DNAH5: variants seen among roughly 807,000 people sequenced by gnomAD.
The protein encoded by DNAH5 is axonemal beta dynein heavy chain 5.
A neutral mutation model predicts 518.2 loss-of-function variants in DNAH5; 372 were observed. The ratio of observed to expected loss-of-function variants is 0.72; its 90% confidence interval spans 0.66 to 0.78. The LOEUF (loss-of-function observed/expected upper bound fraction) is 0.78, where lower values mean the gene tolerates loss of function less well. Among genes scored for constraint, DNAH5 ranks in the 30% least tolerant of loss-of-function variants. The probability of loss-of-function intolerance (pLI) is 0.00; values close to 1 mark genes in which losing one functional copy is unlikely to be tolerated. For synonymous variants in DNAH5, 2,039 were observed against 2,025.9 expected, an observed-to-expected ratio of 1.01 and a Z score of -0.17; for missense variants, 5,523 against 5,687.0, an observed-to-expected ratio of 0.97 and a Z score of 0.93.
intron 70 of DNAH5, among the ~76,000 whole-genome samples, chr5:13,725,901 C>T (rs917162233): frequency 6.6e-6 from 1 of 152,210 alleles, no homozygotes; most frequent in African/African-American, 2.4e-5. Context: ...ATCCACCTGC[C>T]TCAGCCTCCC....
intron 3 of DNAH5, among the ~76,000 whole-genome samples, chr5:13,926,703 CA>C (rs1777907235): frequency 6.6e-6 from 1 of 151,360 alleles, no homozygotes; most frequent in African/African-American, 2.4e-5. Flanking sequence ...GAAGGACTAT[CA>C]CCAGTGAGAA....
chr5:13,881,837 T>TA (rs1771717972), intron 21 of DNAH5, among the ~76,000 whole-genome samples: 1 of 151,734 alleles, frequency 6.6e-6, no homozygotes, highest in South Asian at 2.1e-4. Context: ...GATCAGAGCA[T>TA]AAACAAATGA....
intron 24 of DNAH5, among the ~76,000 whole-genome samples, chr5:13,869,594 AATG>A (rs1221401205): frequency 5.3e-5 from 8 of 152,204 alleles, no homozygotes; most frequent in African/African-American, 1.2e-4. Context: ...ACTCATTTCT[AATG>A]ATGATATAAA....
chr5:13,897,305 A>G (rs536539640), intron 15 of DNAH5, among the ~76,000 whole-genome samples: 25 of 152,216 alleles, frequency 1.6e-4, no homozygotes, highest in Middle Eastern at 6.8e-3. Flanking sequence ...TTTTTTTTCA[A>G]TGTCCACCAG....
At chr5:14,011,426 A>G (rs1785111642) in intron 1 of DNAH5, among the ~76,000 whole-genome samples, 1 of 152,124 alleles carries the variant, frequency 6.6e-6, no homozygotes, top group African/African-American at 2.4e-5. Flanking sequence ...CCCCCTGAGG[A>G]AAAAAACGTG....
At chr5:13,867,049 C>G (rs143117754) in intron 25 of DNAH5, among the ~76,000 whole-genome samples, 1 of 152,290 alleles carries the variant, frequency 6.6e-6, no homozygotes, top group African/African-American at 2.4e-5. Flanking sequence ...TTTGTGTAAC[C>G]AAGGAACGCT....
intron 70 of DNAH5, among the ~76,000 whole-genome samples, chr5:13,725,937 C>T (rs577649697): frequency 6.6e-6 from 1 of 152,352 alleles, no homozygotes; most frequent in African/African-American, 2.4e-5. Flanking sequence ...CAGGTGTGAG[C>T]CACCGCGCCT....
chr5:13,807,448 G>A (rs1221973983), intron 47 of DNAH5, 143 bp downstream of exon 47: 1 of 745,154 alleles, frequency 1.3e-6, no homozygotes, highest in Non-Finnish European at 2.3e-6. Flanking sequence ...TTGAATAATT[G>A]AAAGAATGGA....
intron 71 of DNAH5, among the ~76,000 whole-genome samples, chr5:13,720,171 G>T (rs1483747162): frequency 4.7e-5 from 7 of 147,396 alleles, no homozygotes; most frequent in African/African-American, 7.5e-5. Flanking sequence ...ACGTAAAACT[G>T]ATAATTTAGA....
At chr5:13,725,787 T>A (rs1277063269) in intron 70 of DNAH5, among the ~76,000 whole-genome samples, 2 of 152,188 alleles carry the variant, frequency 1.3e-5, no homozygotes, top group East Asian at 3.9e-4. Flanking sequence ...CCCAAGTAGC[T>A]GGCATTACAG....
intron 1 of DNAH5, among the ~76,000 whole-genome samples, chr5:13,983,470 A>G (rs1463995017): frequency 6.6e-6 from 1 of 152,240 alleles, no homozygotes. Context: ...AAACTGAGAC[A>G]TGTTTAAAAC....
Position 13,845,999 on chromosome 5 carries a change from ATT to A in DNAH5, c.5115-1008_5115-1007del, listed in dbSNP as rs567783697. Among the ~76,000 whole-genome samples the A allele has an allele frequency of 7.3e-3, 833 of 114,074 alleles. 12 individuals are homozygous for A. Among genetic ancestry groups the A allele is most frequent in the South Asian group, 0.041 (146 of 3,574 alleles). 74.8% of individuals were successfully genotyped at this position (114,074 alleles called of 152,430 possible). ...GCCTGTGCCACCACGCCCAGCTAAT[ATT>A]TTTTTTTTTTTTTTTTTAGTAGAGA... On this transcript the variant is annotated intron_variant, in intron 31 of 78. Transcript: ENST00000265104.
chr5:13,727,252 A>G (rs1056115066), intron 70 of DNAH5, among the ~76,000 whole-genome samples: 6 of 152,210 alleles, frequency 3.9e-5, no homozygotes, highest in Admixed American at 3.9e-4. Context: ...TGCCAACCTT[A>G]GAATCATGGT....
At position 13,736,456 on chromosome 5, in the gene DNAH5, G is replaced by A. The variant is rs551371231; in HGVS notation, c.11456-524C>T. Reference sequence around the variant, plus strand: ...GTCCCCCAGGCTGGAGTACAGTGGCGTGATCTCGGCTCACTGCAACCTCCG... The same window carrying A: ...GTCCCCCAGGCTGGAGTACAGTGGCATGATCTCGGCTCACTGCAACCTCCG... On this transcript the variant is annotated intron_variant, in intron 66 of 78. Coordinates refer to ENST00000265104, the MANE Select transcript of DNAH5 (RefSeq NM_001369.3). 1.1e-4 allele frequency among the ~76,000 whole-genome samples: 17 copies of A among 152,214 alleles called. No individual in the cohort carries two copies. The South Asian group carries it at 1.9e-3, about 17-fold the overall frequency.
At chr5:13,911,139 C>T (rs886283041) in intron 12 of DNAH5, among the ~76,000 whole-genome samples, 6 of 152,262 alleles carry the variant, frequency 3.9e-5, no homozygotes, top group South Asian at 2.1e-4. Context: ...TTTCTAAGAA[C>T]GTCAATGGAA....
intron 19 of DNAH5, among the ~76,000 whole-genome samples, chr5:13,883,807 A>G (rs1025403622): frequency 8.5e-5 from 13 of 152,194 alleles, no homozygotes; most frequent in African/African-American, 3.1e-4. Flanking sequence ...CAAAGAAAAG[A>G]ACTATTCTCC....
At chr5:13,841,282 CTATTTCTTA>C in intron 33 of DNAH5, 152 bp from the exon 34 acceptor site, 1 of 680,676 alleles carries the variant, frequency 1.5e-6, no homozygotes, top group Admixed American at 2.8e-5. Flanking sequence ...TATGGAAATT[CTATTTCTTA>C]TCATTTTGAG....
rs1561503656 is a variant in DNAH5 at position 13,885,042 on chromosome 5, G to C, written c.2930C>G (p.Thr977Arg). 1 of 1,614,202 alleles carries C rather than the reference G, an allele frequency of 6.2e-7. No homozygotes were observed. The highest frequency in any genetic ancestry group is 8.5e-7 in the Non-Finnish European group (1 of 1,180,030). The change falls in exon 19 of 79, where the codon ACA becomes AGA. Residue 977 changes from threonine to arginine, a missense_variant. This residue lies in a region of DNAH5 where 5,121 missense variants were observed against 5,223.3 expected (regional missense o/e 0.98). Transcript: ENST00000265104. The stretch of plus-strand genomic sequence containing the variant: ...AATACGTTTGCGAATGGCCTCTAGT[G>C]TATTCCTTGTAACTTTCAGAAGAGC... ...MDALLKVTRN[T>R]LEAIRKRIHS...
At chr5:13,964,424 T>C (rs1005817209) in intron 1 of DNAH5, among the ~76,000 whole-genome samples, 8 of 152,126 alleles carry the variant, frequency 5.3e-5, no homozygotes, top group Non-Finnish European at 1.5e-5. Flanking sequence ...GTTATTGGAA[T>C]GTTACTGAAA....
Sources: gnomAD v4.1 joint callset for allele counts (sites outside exome capture counted in the v4.1 genomes callset) on GRCh38, gnomAD v4.1.1 for gene constraint, gnomAD v4.1.1 regional missense constraint, MANE v1.5 for transcripts, NCBI Gene and HGNC (gene_info 2026-07-23, HGNC 2026-07-21) for gene names.